Variants in RAP1GDS1 observed in about 807,000 individuals in gnomAD.
RAP1GDS1 encodes the protein RAP1, GTP-GDP dissociation stimulator 1.
RAP1GDS1 carries 35 observed loss-of-function variants against 71.1 expected under a neutral mutation model. That is an observed-to-expected ratio of 0.49 (90% CI 0.38 to 0.65). The LOEUF (loss-of-function observed/expected upper bound fraction) is 0.65. Ranked by LOEUF, RAP1GDS1 falls within the 30% of genes least tolerant of loss-of-function variation. The probability of loss-of-function intolerance (pLI) is 0.00; values close to 1 mark genes in which losing one functional copy is unlikely to be tolerated. For missense variants in RAP1GDS1, 663 were observed against 706.1 expected (o/e 0.94, Z 0.69); for synonymous variants, 229 against 243.1 (o/e 0.94, Z 0.54).
In RAP1GDS1 at chr4:98,372,456, C is replaced by T. The variant is rs183818483; in HGVS notation, c.362-6561C>T. The stretch of plus-strand genomic sequence containing the variant: ...TGCTGAGATTACAGACATGAGCCCT[C>T]GTGCCCAGCCCATTACTGGCTTCTG... On this transcript the variant is annotated intron_variant, in intron 4 of 14. Transcript: ENST00000408927. Among the ~76,000 whole-genome samples, 18 of 151,946 alleles carry T rather than the reference C, an allele frequency of 1.2e-4. No homozygotes were observed. In the East Asian group the frequency reaches 2.3e-3, roughly 20 times the overall value.
chr4:98,410,996 C>A (rs958640626), intron 7 of RAP1GDS1, among the ~76,000 whole-genome samples: 103 of 152,236 alleles, frequency 6.8e-4, no homozygotes, highest in African/African-American at 2.3e-3. Flanking sequence ...TATTTGCTTT[C>A]TAATAATATA....
At chr4:98,417,282 C>T (rs977912382) in intron 8 of RAP1GDS1, 85 bp from the exon 9 acceptor site, 2 of 1,365,292 alleles carry the variant, frequency 1.5e-6, no homozygotes, top group Non-Finnish European at 2.0e-6. Flanking sequence ...GTGTGAGTTT[C>T]CAGTTGGATA....
At chr4:98,352,273 GT>G (rs1350666910) in intron 3 of RAP1GDS1, among the ~76,000 whole-genome samples, 1 of 152,086 alleles carries the variant, frequency 6.6e-6, no homozygotes, top group African/African-American at 2.4e-5. Context: ...ACCCCACTCA[GT>G]TTTGTGTATT....
chr4:98,277,266 C>G (rs1724358699), intron 1 of RAP1GDS1, among the ~76,000 whole-genome samples: 2 of 152,180 alleles, frequency 1.3e-5, no homozygotes, highest in African/African-American at 4.8e-5. Context: ...TACTGAGATA[C>G]TAGACTTTCT....
intron 2 of RAP1GDS1, among the ~76,000 whole-genome samples, chr4:98,306,972 T>C (rs1729413352): frequency 6.6e-6 from 1 of 152,158 alleles, no homozygotes; most frequent in African/African-American, 2.4e-5. Flanking sequence ...TTGGAATCTA[T>C]AATGAGACAT....
intron 2 of RAP1GDS1, among the ~76,000 whole-genome samples, chr4:98,316,140 G>T (rs1239836264): frequency 6.6e-6 from 1 of 152,148 alleles, no homozygotes. Flanking sequence ...TAATAGCAAG[G>T]TGAGATAAAT....
At chr4:98,388,192 A>G (rs9307226) in intron 5 of RAP1GDS1, among the ~76,000 whole-genome samples, 8,101 of 152,254 alleles carry the variant, frequency 0.053, 537 homozygotes, top group African/African-American at 0.16. Flanking sequence ...AGTAACTGAA[A>G]TAGGTAGACT....
intron 7 of RAP1GDS1, among the ~76,000 whole-genome samples, chr4:98,413,283 A>G (rs1410579324): frequency 4.0e-5 from 6 of 151,670 alleles, no homozygotes; most frequent in Admixed American, 6.6e-5. Context: ...GGTTAGTTAC[A>G]TATGTATACA....
intron 4 of RAP1GDS1, among the ~76,000 whole-genome samples, chr4:98,357,276 CTG>C (rs1738102298): frequency 6.6e-6 from 1 of 151,830 alleles, no homozygotes; most frequent in Admixed American, 6.6e-5. Context: ...ACCCTATTTT[CTG>C]TGTTATTCAG....
At chr4:98,264,572 G>T (rs1560740352) in intron 1 of RAP1GDS1, among the ~76,000 whole-genome samples, 1 of 152,180 alleles carries the variant, frequency 6.6e-6, no homozygotes, top group Non-Finnish European at 1.5e-5. Flanking sequence ...GTACTACAGT[G>T]TACTGGGAGG....
intron 12 of RAP1GDS1, among the ~76,000 whole-genome samples, chr4:98,423,319 A>G (rs962785847): frequency 2.0e-5 from 3 of 152,262 alleles, no homozygotes; most frequent in African/African-American, 7.2e-5. Flanking sequence ...GTAAAACAGC[A>G]TAATTTTTTA....
Position 98,417,434 on chromosome 4 carries a change from C to T in RAP1GDS1, c.975C>T (p.Ile325=), listed in dbSNP as rs1471226035. The T allele has an allele frequency of 6.2e-7, 1 of 1,613,376 alleles. No individual in the cohort carries two copies. The highest frequency in any genetic ancestry group is 8.5e-7 in the Non-Finnish European group (1 of 1,179,544). The stretch of plus-strand genomic sequence containing the variant: ...TATTTCAAAGGGTACTCTCTTGGAT[C>T]CCATCAAATAACCACCAGCTACAGC... The part of the protein sequence containing the change: ...GSVFQRVLSW[I]PSNNHQLQLA... Residue 325 remains isoleucine (I), a synonymous_variant, in exon 9 of 15, where the codon ATC becomes ATT. Transcript: ENST00000408927.
chr4:98,303,372 C>A (rs1176829005), intron 2 of RAP1GDS1, among the ~76,000 whole-genome samples: 1 of 151,856 alleles, frequency 6.6e-6, no homozygotes, highest in Non-Finnish European at 1.5e-5. Context: ...AAAAAACATA[C>A]AAAATTTCAA....
intron 5 of RAP1GDS1, among the ~76,000 whole-genome samples, chr4:98,380,751 A>G (rs778136385): frequency 5.9e-5 from 9 of 151,808 alleles, no homozygotes; most frequent in Non-Finnish European, 1.3e-4. Context: ...TTGGGCTTGG[A>G]CATTTGAGGA....
intron 3 of RAP1GDS1, among the ~76,000 whole-genome samples, chr4:98,344,858 T>C (rs771834008): frequency 6.6e-6 from 1 of 152,186 alleles, no homozygotes; most frequent in Non-Finnish European, 1.5e-5. Flanking sequence ...AGGGTCTTAC[T>C]GTGTCGCCCA....
intron 2 of RAP1GDS1, among the ~76,000 whole-genome samples, chr4:98,331,491 A>G (rs752078975): frequency 6.6e-5 from 10 of 152,180 alleles, no homozygotes; most frequent in Non-Finnish European, 1.5e-4. Flanking sequence ...TTTATTATCA[A>G]CAATTGACAA....
intron 14 of RAP1GDS1, among the ~76,000 whole-genome samples, chr4:98,437,564 T>C (rs1578889764): frequency 6.6e-6 from 1 of 151,914 alleles, no homozygotes; most frequent in Non-Finnish European, 1.5e-5. Flanking sequence ...GAGGCTGAGG[T>C]GGTGGATCAC....
chr4:98,298,004 T>C (rs867836590), intron 2 of RAP1GDS1, among the ~76,000 whole-genome samples: 8 of 152,210 alleles, frequency 5.3e-5, no homozygotes, highest in South Asian at 4.1e-4. Context: ...AACAGCCTTA[T>C]TACTGATAGG....
intron 6 of RAP1GDS1, among the ~76,000 whole-genome samples, chr4:98,398,028 TTTA>T (rs199600288): frequency 3.9e-5 from 6 of 152,034 alleles, no homozygotes; most frequent in Non-Finnish European, 4.4e-5. Flanking sequence ...TCCTAATCAG[TTTA>T]TTATTATTAT....
Sources: allele counts gnomAD v4.1 joint callset (sites outside exome capture counted in the v4.1 genomes callset), GRCh38; gene constraint gnomAD v4.1.1; transcripts MANE v1.5; gene names NCBI Gene and HGNC (gene_info 2026-07-23, HGNC 2026-07-21).